The following MOK variants were observed in gnomAD, a reference collection of about 807,000 sequenced individuals.
The protein encoded by MOK is MAPK/MAK/MRK overlapping kinase.
In MOK, 59 loss-of-function variants were observed where a neutral mutation model predicts 54.2. That is an observed-to-expected ratio of 1.09 (90% confidence interval 0.88 to 1.35). The LOEUF (loss-of-function observed/expected upper bound fraction) is 1.35. Ranked by LOEUF, MOK falls within the 40% of genes most tolerant of loss-of-function variation. The probability of loss-of-function intolerance (pLI) is 0.00; values close to 1 mark genes in which losing one functional copy is unlikely to be tolerated. For missense variants in MOK, 517 were observed against 526.2 expected, an observed-to-expected ratio of 0.98 and a Z score of 0.17; for synonymous variants, 210 against 202.7, an observed-to-expected ratio of 1.04 and a Z score of -0.31.
rs531449682 is a variant in MOK at position 102,299,235 on chromosome 14, C to G, written c.7+5727G>C. Among the ~76,000 whole-genome samples, 12 of 152,240 alleles carry G rather than the reference C, an allele frequency of 7.9e-5. No individual in the cohort carries two copies. In the South Asian group the frequency reaches 1.2e-3, roughly 16 times the overall value. On this transcript the variant is annotated intron_variant, in intron 1 of 11. Transcript: ENST00000361847. Reference sequence around the variant, plus strand: ...ATACTTTTAAAAATTCTCTCTGGGCCGGACGCAGTGGCTCACGCCTGTAAT... The same window carrying G: ...ATACTTTTAAAAATTCTCTCTGGGCGGGACGCAGTGGCTCACGCCTGTAAT...
At chr14:102,221,931 T>C (rs902582722), downstream of MOK, among the ~76,000 whole-genome samples, 1 of 152,208 alleles carries the variant, frequency 6.6e-6, no homozygotes, top group Non-Finnish European at 1.5e-5. This position sits in a 1 kb window ranked among gnomAD's most constrained non-coding sequence, Gnocchi z 4.8. Context: ...GCCATCTTAA[T>C]GTTCTTCATA....
intron 1 of MOK, among the ~76,000 whole-genome samples, chr14:102,291,944 C>A (rs2070798931): frequency 6.9e-6 from 1 of 145,330 alleles, no homozygotes; most frequent in Admixed American, 6.9e-5. Context: ...GGCAACAGAG[C>A]AAAACTCTGT....
At chr14:102,255,174 C>G (rs904393763) in intron 4 of MOK, among the ~76,000 whole-genome samples, 2 of 152,030 alleles carry the variant, frequency 1.3e-5, no homozygotes, top group African/African-American at 4.8e-5. Flanking sequence ...AAAAATTAGC[C>G]AGGCGTGGCG....
chr14:102,289,206 A>G (rs541148878), intron 1 of MOK, among the ~76,000 whole-genome samples: 2 of 152,068 alleles, frequency 1.3e-5, no homozygotes, highest in South Asian at 2.1e-4. Flanking sequence ...CGCTTGGCCA[A>G]TTTGTGCAGT....
At chr14:102,294,300 G>T (rs1313866912) in intron 1 of MOK, among the ~76,000 whole-genome samples, 2 of 152,090 alleles carry the variant, frequency 1.3e-5, no homozygotes, top group Non-Finnish European at 2.9e-5. Flanking sequence ...CAAAAAATTA[G>T]CCAGGCGTGG....
chr14:102,287,832 T>G, intron 1 of MOK, among the ~76,000 whole-genome samples: 1 of 148,352 alleles, frequency 6.7e-6, no homozygotes, highest in Non-Finnish European at 1.5e-5. Context: ...TTTTTTTTTT[T>G]TTTTTTTTTT....
In MOK at chr14:102,261,418, AATATATATATATATATATATATATAT is replaced by A. The variant is rs1197835093; in HGVS notation, c.283+2102_283+2127del. Among the ~76,000 whole-genome samples, 46 of 42,822 alleles carry A rather than the reference AATATATATATATATATATATATATAT, an allele frequency of 1.1e-3. 2 individuals are homozygous for A. The East Asian group carries it at 0.014, about 13-fold the overall frequency. 28.1% of individuals were successfully genotyped at this position (42,822 alleles called of 152,430 possible). ...AAAAAAAAAAAAAAAAAAAAAAAAA[AATATATATATATATATATATATATAT>A]ATATATATATATATTCTAAACAAAG... On this transcript the variant is annotated intron_variant, in intron 4 of 11. Transcript: ENST00000361847.
chr14:102,289,215 GT>G (rs1385497445), intron 1 of MOK, among the ~76,000 whole-genome samples: 1 of 151,580 alleles, frequency 6.6e-6, no homozygotes, highest in African/African-American at 2.4e-5. Flanking sequence ...AATTTGTGCA[GT>G]TTTCTGTATT....
chr14:102,258,695 C>G (rs2067160839), intron 4 of MOK, among the ~76,000 whole-genome samples: 1 of 152,168 alleles, frequency 6.6e-6, no homozygotes. Flanking sequence ...GACACCTGTT[C>G]AACAAAAAGA....
At position 102,235,728 on chromosome 14, in the gene MOK, G is replaced by A. The variant is rs763497481; in HGVS notation, c.591-1939C>T. Among the ~76,000 whole-genome samples, 1 of 152,130 alleles carries A rather than the reference G, an allele frequency of 6.6e-6. No individual in the cohort carries two copies. Among genetic ancestry groups the A allele is most frequent in the African/African-American group, 2.4e-5 (1 of 41,400 alleles). On this transcript the variant is annotated intron_variant, in intron 7 of 11. Coordinates refer to ENST00000361847, the MANE Select transcript of MOK (RefSeq NM_014226.3). This position sits in a 1 kb window ranked among gnomAD's most constrained non-coding sequence, Gnocchi z 4.4. ...ACACGCGTGTCGATCCCGCCTCCCGGGAAGGAACTATTGTTCTTTACATCC... is the reference window on the plus strand; with the variant it reads ...ACACGCGTGTCGATCCCGCCTCCCGAGAAGGAACTATTGTTCTTTACATCC...
At chr14:102,274,992 AG>A (rs1597485661) in intron 2 of MOK, among the ~76,000 whole-genome samples, 1 of 151,932 alleles carries the variant, frequency 6.6e-6, no homozygotes, top group Non-Finnish European at 1.5e-5. Flanking sequence ...AAAAAAAAGA[AG>A]AAGAAAGACT....
chr14:102,273,487 G>C (rs566349941), intron 2 of MOK, among the ~76,000 whole-genome samples: 1 of 152,076 alleles, frequency 6.6e-6, no homozygotes, highest in African/African-American at 2.4e-5. Flanking sequence ...CTACAAAACA[G>C]CTGAAACCGT....
chr14:102,219,908 G>T (rs764385640), downstream of MOK, among the ~76,000 whole-genome samples: 49 of 152,248 alleles, frequency 3.2e-4, no homozygotes, highest in Non-Finnish European at 6.2e-4. Context: ...GGGCCCAGTG[G>T]AGAGTGGGAC....
At chr14:102,226,233 C>G (rs908431053), downstream of MOK, 3 of 650,582 alleles carry the variant, frequency 4.6e-6, no homozygotes, top group Non-Finnish European at 8.4e-6. This position sits in a 1 kb window ranked among gnomAD's most constrained non-coding sequence, Gnocchi z 4.8. Context: ...TGTGCTTCTG[C>G]CCGGTGTCTT....
intron 1 of MOK, among the ~76,000 whole-genome samples, chr14:102,290,151 A>G (rs570574040): frequency 6.6e-6 from 1 of 151,722 alleles, no homozygotes; most frequent in African/African-American, 2.4e-5. Context: ...GAGAAAAAAA[A>G]AAAAAAGACT....
chr14:102,233,489 G>A, intron 8 of MOK, 199 bp downstream of exon 8: 1 of 561,960 alleles, frequency 1.8e-6, no homozygotes, highest in Non-Finnish European at 3.2e-6. Context: ...GCTCAAGGAA[G>A]AGCTCACCTT....
At chr14:102,250,322 G>A (rs188687820) in intron 7 of MOK, among the ~76,000 whole-genome samples, 128 of 152,164 alleles carry the variant, frequency 8.4e-4, no homozygotes, top group African/African-American at 3.0e-3. Flanking sequence ...CCATCTCCTC[G>A]TCCCTGGGCC....
At chr14:102,296,245 CAAA>C (rs35588317) in intron 1 of MOK, among the ~76,000 whole-genome samples, 1 of 61,638 alleles carries the variant, frequency 1.6e-5, no homozygotes, top group Non-Finnish European at 3.4e-5. Flanking sequence ...GAGTACGTCT[CAAA>C]AAAAAAAAAA....
chr14:102,229,246 G>A lies in MOK; in HGVS notation c.*43C>T. ...AGATCACCCAGGCCTGGCCCGGTCG[G>A]GCTTGGTGTTGCCTCCGAAGTCGAG... On this transcript the variant is annotated 3_prime_UTR_variant, in exon 12 of 12. Transcript: ENST00000361847. 1 of 1,544,784 alleles carries A rather than the reference G, an allele frequency of 6.5e-7. No individual in the cohort carries two copies. Among genetic ancestry groups the A allele is most frequent in the Non-Finnish European group, 8.8e-7 (1 of 1,138,838 alleles).
Sources: gnomAD v4.1 joint callset for allele counts (sites outside exome capture counted in the v4.1 genomes callset) on GRCh38, gnomAD v4.1.1 for gene constraint, Gnocchi (gnomAD v3.1) non-coding constraint, MANE v1.5 for transcripts, NCBI Gene and HGNC (gene_info 2026-07-23, HGNC 2026-07-21) for gene names.